GNAO1: variants seen among roughly 807,000 people sequenced by gnomAD.
GNAO1 encodes G protein subunit alpha o1, also known as guanine nucleotide-binding protein G(o) subunit alpha.
For missense variants in GNAO1, 166 were observed against 478.7 expected, an observed-to-expected ratio of 0.35 and a Z score of 6.10; for synonymous variants, 164 against 180.7, an observed-to-expected ratio of 0.91 and a Z score of 0.74.
intron 2 of GNAO1, among the ~76,000 whole-genome samples, chr16:56,201,663 C>A (rs2036283084): frequency 6.6e-6 from 1 of 151,944 alleles, no homozygotes; most frequent in Non-Finnish European, 1.5e-5. Context: ...GAAACAGATT[C>A]AAGAGATATT....
At chr16:56,341,004 G>A (rs748190320) in intron 6 of GNAO1, 32 of 1,608,374 alleles carry the variant, frequency 2.0e-5, no homozygotes, top group Non-Finnish European at 2.3e-5. Flanking sequence ...ACCCCTCCAG[G>A]GACAGCAGGC....
chr16:56,240,466 T>A lies in GNAO1; in HGVS notation c.162-35465T>A, dbSNP rs570411945. Among the ~76,000 whole-genome samples, 3 of 152,322 alleles carry A rather than the reference T, an allele frequency of 2.0e-5. No homozygotes were observed. In the South Asian group the frequency reaches 6.2e-4, roughly 32 times the overall value. ...TTTTCAACCACTTTCCTAGAACTGC[T>A]TGGTTTTTGAACCATGGTGCTGTTT... is the stretch of plus-strand genomic sequence containing the variant. On this transcript the variant is annotated intron_variant, in intron 2 of 8. Coordinates refer to ENST00000262493, the MANE Select transcript of GNAO1 (RefSeq NM_020988.3).
intron 3 of GNAO1, among the ~76,000 whole-genome samples, chr16:56,295,559 A>G (rs190806814): frequency 1.5e-4 from 23 of 152,006 alleles, no homozygotes; most frequent in Non-Finnish European, 2.9e-4. Flanking sequence ...TCTCCCTTCC[A>G]CCTTTAAATC....
chr16:56,321,687 A>G (rs2037572623), intron 3 of GNAO1, among the ~76,000 whole-genome samples: 1 of 152,154 alleles, frequency 6.6e-6, no homozygotes, highest in Non-Finnish European at 1.5e-5. Context: ...AACAAGAGAA[A>G]AAAGCCACAA....
At chr16:56,288,533 C>A (rs1255224277) in intron 3 of GNAO1, among the ~76,000 whole-genome samples, 1 of 152,224 alleles carries the variant, frequency 6.6e-6, no homozygotes, top group Non-Finnish European at 1.5e-5. Flanking sequence ...CAGGCCTGGC[C>A]TCTAAAAGGA....
chr16:56,282,708 C>G (rs1317996689), intron 3 of GNAO1, among the ~76,000 whole-genome samples: 1 of 152,212 alleles, frequency 6.6e-6, no homozygotes, highest in African/African-American at 2.4e-5. Context: ...TTTAGGAAAG[C>G]AGAAGCTACA....
chr16:56,291,804 C>T (rs2037235357), intron 3 of GNAO1, among the ~76,000 whole-genome samples: 1 of 152,148 alleles, frequency 6.6e-6, no homozygotes, highest in African/African-American at 2.4e-5. Context: ...TTCTCTGCTC[C>T]ATAGATGGTG....
chr16:56,266,272 G>A (rs558799191), intron 2 of GNAO1, among the ~76,000 whole-genome samples: 8 of 152,268 alleles, frequency 5.3e-5, no homozygotes, highest in Non-Finnish European at 7.4e-5. Context: ...GGAGGATGCC[G>A]TCAGTGGGGG....
rs1182243070 is a variant in GNAO1 at position 56,235,334 on chromosome 16, C to T, written c.162-40597C>T. ...ACAGAAGCTTAGACAGAGCATGTAGCCCAGCCCATCAACAGATGAAGAAGT... is the reference window on the plus strand; with the variant it reads ...ACAGAAGCTTAGACAGAGCATGTAGTCCAGCCCATCAACAGATGAAGAAGT... On this transcript the variant is annotated intron_variant, in intron 2 of 8. Transcript: ENST00000262493. 1.3e-5 allele frequency: 6 copies of T among 455,938 alleles called. 1 individual carries two copies. Among genetic ancestry groups the T allele is most frequent in the East Asian group, 1.4e-4 (2 of 14,402 alleles). 28.2% of individuals were successfully genotyped at this position (455,938 alleles called of 1,614,324 possible). A position where few individuals can be genotyped will look rare whatever the true frequency, so the allele number is the denominator to read the frequency against.
intron 2 of GNAO1, among the ~76,000 whole-genome samples, chr16:56,204,938 T>G (rs1361357378): frequency 6.6e-6 from 1 of 152,162 alleles, no homozygotes; most frequent in Non-Finnish European, 1.5e-5. Flanking sequence ...GAGGTCATAA[T>G]TTATATCTTT....
chr16:56,274,260 G>A (rs1161505413), intron 2 of GNAO1, among the ~76,000 whole-genome samples: 1 of 152,186 alleles, frequency 6.6e-6, no homozygotes, highest in Non-Finnish European at 1.5e-5. Context: ...GAAGATGCTT[G>A]TTTCACATAT....
In GNAO1 at chr16:56,354,777, A is replaced by G; in HGVS notation, c.878-89A>G. 1 of 771,848 alleles carries G rather than the reference A, an allele frequency of 1.3e-6. No individual in the cohort carries two copies. Among genetic ancestry groups the G allele is most frequent in the South Asian group, 1.7e-5 (1 of 59,722 alleles). The allele number at this position is 771,848 out of a possible 1,614,324, so 47.8% of individuals were successfully genotyped here. A position where few individuals can be genotyped will look rare whatever the true frequency, so the allele number is the denominator to read the frequency against. ...CTCATCCCACTTCCTGGGACACGCCACAACCCACTTCTTGTCTTCATGTCC... is the reference window on the plus strand; with the variant it reads ...CTCATCCCACTTCCTGGGACACGCCGCAACCCACTTCTTGTCTTCATGTCC... On this transcript the variant is annotated intron_variant, in intron 7 of 8. Transcript: ENST00000262493. This position sits in a 1 kb window ranked among gnomAD's most constrained non-coding sequence, Gnocchi z 4.3.
intron 3 of GNAO1, among the ~76,000 whole-genome samples, chr16:56,284,401 G>A (rs1340615371): frequency 6.6e-6 from 1 of 152,210 alleles, no homozygotes; most frequent in African/African-American, 2.4e-5. Flanking sequence ...GCCACAAGGA[G>A]CCTGAGACCC....
chr16:56,244,922 C>T (rs1455477643), intron 2 of GNAO1, among the ~76,000 whole-genome samples: 4 of 152,154 alleles, frequency 2.6e-5, no homozygotes, highest in Non-Finnish European at 5.9e-5. Context: ...CTGGGGAGCT[C>T]TGAAAATAAA....
chr16:56,266,871 A>G (rs1411518536), intron 2 of GNAO1, among the ~76,000 whole-genome samples: 1 of 152,144 alleles, frequency 6.6e-6, no homozygotes, highest in African/African-American at 2.4e-5. Flanking sequence ...ATATTCATGG[A>G]GGGAATGAAT....
chr16:56,196,758 A>G (rs887193313), intron 2 of GNAO1, among the ~76,000 whole-genome samples: 1 of 152,240 alleles, frequency 6.6e-6, no homozygotes, highest in Admixed American at 6.5e-5. Context: ...AAATGGGCAC[A>G]ATAAAATCGA....
At chr16:56,327,873 T>A (rs919957476) in intron 3 of GNAO1, among the ~76,000 whole-genome samples, 11 of 152,184 alleles carry the variant, frequency 7.2e-5, no homozygotes, top group Non-Finnish European at 1.3e-4. Context: ...ATGTTTCACC[T>A]GACCTAGGAG....
intron 2 of GNAO1, among the ~76,000 whole-genome samples, chr16:56,255,901 A>G (rs1354416550): frequency 6.6e-6 from 1 of 152,058 alleles, no homozygotes; most frequent in Non-Finnish European, 1.5e-5. Context: ...CTCAACAGGG[A>G]CTCACCTGCA....
intron 2 of GNAO1, among the ~76,000 whole-genome samples, chr16:56,202,246 G>A (rs144920380): frequency 7.9e-5 from 12 of 152,352 alleles, no homozygotes; most frequent in East Asian, 1.9e-4. Context: ...ATTGGCAGGT[G>A]TCCATGGAGT....
Sources: gnomAD v4.1 joint callset for allele counts (sites outside exome capture counted in the v4.1 genomes callset) on GRCh38, gnomAD v4.1.1 for gene constraint, Gnocchi (gnomAD v3.1) non-coding constraint, MANE v1.5 for transcripts, NCBI Gene and HGNC (gene_info 2026-07-23, HGNC 2026-07-21) for gene names.